Variants in PATJ observed in about 807,000 individuals in gnomAD.
PATJ encodes PATJ crumbs cell polarity complex component, also known as inaD-like protein.
A neutral mutation model predicts 224.9 loss-of-function variants in PATJ; 190 were observed. The observed-to-expected ratio is 0.84, with a 90% CI of 0.75 to 0.95. PATJ has a LOEUF of 0.95. Ranked by LOEUF, PATJ falls within the 40% of genes least tolerant of loss-of-function variation. PATJ has a pLI of 0.00. For missense variants in PATJ, 2,121 were observed against 2,270.3 expected, an observed-to-expected ratio of 0.93 and a Z score of 1.34; for synonymous variants, 769 against 820.3, an observed-to-expected ratio of 0.94 and a Z score of 1.07.
rs117655670 is a variant in PATJ at position 62,026,834 on chromosome 1, A to G, written c.3959+8887A>G. ...GAAATAAACATAACACAATTTCACC[A>G]TAGGACCCAGCAACTCTACTTGTGG... On this transcript the variant is annotated intron_variant, in intron 29 of 43. Transcript: ENST00000642238. 3.2e-4 allele frequency among the ~76,000 whole-genome samples: 48 copies of G among 152,286 alleles called. 2 individuals are homozygous for G. The East Asian group carries it at 9.1e-3, about 29-fold the overall frequency.
chr1:61,949,150 CAT>C (rs1453612576), intron 27 of PATJ, among the ~76,000 whole-genome samples: 2 of 151,082 alleles, frequency 1.3e-5, no homozygotes, highest in South Asian at 2.1e-4. Context: ...CAACATGACA[CAT>C]GTATATATAC....
intron 24 of PATJ, among the ~76,000 whole-genome samples, chr1:61,906,294 C>G (rs745822108): frequency 6.6e-6 from 1 of 152,128 alleles, no homozygotes; most frequent in Non-Finnish European, 1.5e-5. Flanking sequence ...TCTTGTTGTT[C>G]AAGGGTTTTT....
intron 5 of PATJ, among the ~76,000 whole-genome samples, chr1:61,770,587 TAA>T (rs887180840): frequency 1.3e-5 from 2 of 152,172 alleles, no homozygotes; most frequent in African/African-American, 2.4e-5. Context: ...TAATTTCTTT[TAA>T]AAAGAGTCCT....
chr1:62,093,796 A>G (rs894696050), intron 33 of PATJ, among the ~76,000 whole-genome samples: 1 of 152,206 alleles, frequency 6.6e-6, no homozygotes, highest in Non-Finnish European at 1.5e-5. Flanking sequence ...TTTCCTTAAA[A>G]TAAGTCTATA....
At chr1:61,935,149 G>A (rs1173268455) in intron 27 of PATJ, among the ~76,000 whole-genome samples, 1 of 152,140 alleles carries the variant, frequency 6.6e-6, no homozygotes, top group Middle Eastern at 3.2e-3. Flanking sequence ...ATGACTTTTT[G>A]TAACATGTAA....
intron 42 of PATJ, among the ~76,000 whole-genome samples, chr1:62,151,529 T>A (rs1339624520): frequency 2.6e-5 from 4 of 152,152 alleles, no homozygotes; most frequent in African/African-American, 4.8e-5. Flanking sequence ...AGGCAGAGCT[T>A]GCAGTGAGCC....
At position 61,902,204 on chromosome 1, in the gene PATJ, C is replaced by T. The variant is rs575662954; in HGVS notation, c.3381+745C>T. On this transcript the variant is annotated intron_variant, in intron 24 of 43. Transcript: ENST00000642238. ...CTTCCCTCCAGCCTGGGTGACAGAA[C>T]GACACTCTTGTCTCAAAGCAGGAAA... Among the ~76,000 whole-genome samples, 526 of 144,806 alleles carry T rather than the reference C, an allele frequency of 3.6e-3. 1 individual carries two copies. The highest frequency in any genetic ancestry group is 4.0e-3 in the Non-Finnish European group (266 of 66,938). The allele number at this position is 144,806 out of a possible 152,430, so 95.0% of individuals were successfully genotyped here. A position where few individuals can be genotyped will look rare whatever the true frequency, so the allele number is the denominator to read the frequency against.
At chr1:62,030,561 A>G (rs1380677107) in intron 29 of PATJ, among the ~76,000 whole-genome samples, 3 of 152,126 alleles carry the variant, frequency 2.0e-5, no homozygotes, top group Non-Finnish European at 2.9e-5. Flanking sequence ...AATAGATTTT[A>G]TGTCTTAAGT....
rs778067316 is a variant in PATJ at position 61,762,862 on chromosome 1, C to G, written c.-31C>G. 6.8e-7 allele frequency: 1 copy of G among 1,467,624 alleles called. No homozygotes were observed. Among genetic ancestry groups the G allele is most frequent in the Non-Finnish European group, 9.4e-7 (1 of 1,066,450 alleles). 90.9% of individuals were successfully genotyped at this position (1,467,624 alleles called of 1,614,324 possible). On this transcript the variant is annotated 5_prime_UTR_variant, in exon 2 of 44. Coordinates refer to ENST00000642238, the MANE Select transcript of PATJ (RefSeq NM_001350145.3). ...ATTGTTAAATTTTTTCTTTAGGTGT[C>G]TTTAAGAGTGATTGAAGAGAATAAT...
chr1:61,987,074 A>C (rs1279863414), intron 27 of PATJ, among the ~76,000 whole-genome samples: 2 of 151,896 alleles, frequency 1.3e-5, no homozygotes, highest in African/African-American at 4.8e-5. Flanking sequence ...AATTGTGAAT[A>C]CTGTGTTTCT....
At chr1:62,146,701 C>T (rs565963418) in intron 41 of PATJ, among the ~76,000 whole-genome samples, 35 of 152,006 alleles carry the variant, frequency 2.3e-4, no homozygotes, top group African/African-American at 8.0e-4. Context: ...CGCTTGAACC[C>T]GGGAGGCGGA....
intron 28 of PATJ, among the ~76,000 whole-genome samples, chr1:62,003,454 A>C (rs1260992392): frequency 6.6e-6 from 1 of 152,206 alleles, no homozygotes; most frequent in Non-Finnish European, 1.5e-5. Context: ...AGAGAAAATA[A>C]ATCTCTCATC....
rs187645169 is a variant in PATJ, at chr1:62,084,211, A to G, written c.4244-304A>G. ...GGAGGTTGCAGTGAGCTGAGATCGTACCATTGCATTCCAGCCTGGGCGACA... is the reference window on the plus strand; with the variant it reads ...GGAGGTTGCAGTGAGCTGAGATCGTGCCATTGCATTCCAGCCTGGGCGACA... On this transcript the variant is annotated intron_variant, in intron 32 of 43. Coordinates refer to ENST00000642238, the MANE Select transcript of PATJ (RefSeq NM_001350145.3). Among the ~76,000 whole-genome samples, 219 of 152,244 alleles carry G rather than the reference A, an allele frequency of 1.4e-3. 1 individual carries two copies. The highest frequency in any genetic ancestry group is 5.0e-3 in the African/African-American group (209 of 41,552).
At chr1:62,130,803 A>G (rs1399917493) in intron 41 of PATJ, among the ~76,000 whole-genome samples, 1 of 152,138 alleles carries the variant, frequency 6.6e-6, no homozygotes, top group African/African-American at 2.4e-5. Flanking sequence ...GTGAGACGAG[A>G]TGGCACCACT....
At chr1:61,804,448 T>C (rs987441267) in intron 12 of PATJ, among the ~76,000 whole-genome samples, 5 of 152,180 alleles carry the variant, frequency 3.3e-5, no homozygotes, top group Admixed American at 6.5e-5. Flanking sequence ...AAACATTATA[T>C]GCATCCAAGA....
At chr1:62,015,297 C>CT (rs1646709415) in intron 28 of PATJ, among the ~76,000 whole-genome samples, 1 of 150,882 alleles carries the variant, frequency 6.6e-6, no homozygotes, top group African/African-American at 2.4e-5. Context: ...GAGCAAGACT[C>CT]TGTCTCAAAA....
intron 43 of PATJ, among the ~76,000 whole-genome samples, chr1:62,160,638 T>C (rs139681269): frequency 9.0e-4 from 137 of 152,322 alleles, no homozygotes; most frequent in African/African-American, 3.2e-3. Flanking sequence ...GAAATAAGGT[T>C]CTACTTGTAT....
At chr1:61,969,213 G>A (rs1293983047) in intron 27 of PATJ, among the ~76,000 whole-genome samples, 1 of 152,126 alleles carries the variant, frequency 6.6e-6, no homozygotes, top group Non-Finnish European at 1.5e-5. Context: ...ATTTCTTCAA[G>A]ACTTTGCTTT....
chr1:62,085,861 C>T (rs1011418604), intron 33 of PATJ, among the ~76,000 whole-genome samples: 7 of 151,090 alleles, frequency 4.6e-5, no homozygotes, highest in Non-Finnish European at 7.4e-5. Context: ...TGAATTATTC[C>T]GGCCTAACAA....
Sources: gnomAD v4.1 joint callset for allele counts (sites outside exome capture counted in the v4.1 genomes callset) on GRCh38, gnomAD v4.1.1 for gene constraint, MANE v1.5 for transcripts, NCBI Gene and HGNC (gene_info 2026-07-23, HGNC 2026-07-21) for gene names.